Variants in TRAK1 observed in about 807,000 individuals in gnomAD.
The protein encoded by TRAK1 is trafficking kinesin protein 1, also known as trafficking kinesin-binding protein 1.
A neutral mutation model predicts 92.1 loss-of-function variants in TRAK1; 33 were observed. The observed-to-expected ratio is 0.36, with a 90% CI of 0.27 to 0.48. The LOEUF is 0.48. Among genes scored for constraint, TRAK1 ranks in the 20% least tolerant of loss-of-function variants. The pLI is 0.99. For missense variants in TRAK1, 1,123 were observed against 1,257.9 expected (o/e 0.89, Z 1.62); for synonymous variants, 521 against 517.3 (o/e 1.01, Z -0.10).
intron 11 of TRAK1, among the ~76,000 whole-genome samples, chr3:42,199,811 C>T (rs955520181): frequency 6.6e-6 from 1 of 152,206 alleles, no homozygotes; most frequent in Non-Finnish European, 1.5e-5. Flanking sequence ...TGTGAACTTC[C>T]AGAAAGTCCT....
At chr3:42,042,144 C>T (rs1010673070) in intron 1 of TRAK1, among the ~76,000 whole-genome samples, 5 of 152,200 alleles carry the variant, frequency 3.3e-5, no homozygotes, top group African/African-American at 1.2e-4. Context: ...CCAGGCTGGT[C>T]TCAAACTCCT....
chr3:42,037,416 A>G (rs1434460796), intron 1 of TRAK1, among the ~76,000 whole-genome samples: 3 of 152,328 alleles, frequency 2.0e-5, no homozygotes, highest in East Asian at 1.9e-4. Flanking sequence ...TGTTTCCTGC[A>G]GATGTTCAGG....
intron 2 of TRAK1, among the ~76,000 whole-genome samples, chr3:42,142,386 G>A (rs1444582705): frequency 6.6e-6 from 1 of 152,214 alleles, no homozygotes; most frequent in East Asian, 1.9e-4. Context: ...GTTATCATTA[G>A]CAGCTTTTAT....
chr3:42,156,508 G>A (rs1042841042), intron 2 of TRAK1, among the ~76,000 whole-genome samples: 2 of 152,160 alleles, frequency 1.3e-5, no homozygotes, highest in Admixed American at 6.5e-5. Flanking sequence ...ATAAATAATA[G>A]TAGTCAAGGA....
At chr3:42,216,742 A>G (rs147383822) in intron 14 of TRAK1, among the ~76,000 whole-genome samples, 1 of 152,320 alleles carries the variant, frequency 6.6e-6, no homozygotes, top group African/African-American at 2.4e-5. Context: ...TTTATTGGTA[A>G]ATCCAAATTC....
intron 10 of TRAK1, 66 bp from the exon 11 acceptor site, chr3:42,199,111 C>T (rs999273573): frequency 5.9e-5 from 94 of 1,582,332 alleles, no homozygotes; most frequent in Non-Finnish European, 8.1e-5. Context: ...TGGGTGCATA[C>T]CTCTTTTAGA....
intron 1 of TRAK1, among the ~76,000 whole-genome samples, chr3:42,101,295 G>T (rs1162938522): frequency 6.6e-6 from 1 of 152,244 alleles, no homozygotes; most frequent in South Asian, 2.1e-4. Context: ...TCACAGAGTT[G>T]TGAAATATTT....
intron 2 of TRAK1, among the ~76,000 whole-genome samples, chr3:42,163,441 C>T (rs1256332206): frequency 6.6e-6 from 1 of 151,966 alleles, no homozygotes; most frequent in East Asian, 1.9e-4. Context: ...TGGTGGCGGG[C>T]GCCTGTAGTC....
chr3:42,102,111 G>A (rs186106440), intron 1 of TRAK1, among the ~76,000 whole-genome samples: 283 of 152,180 alleles, frequency 1.9e-3, no homozygotes, highest in Non-Finnish European at 3.0e-3. Flanking sequence ...TCACCCTCCC[G>A]AGTAGCTGGG....
Position 42,223,144 on chromosome 3 carries a change from C to T in TRAK1, c.2269C>T (p.Gln757Ter). ...CATTTCTGCTGCCGTGTACGACCCC[C>T]AGAGCTGGGACAGGGCCGGCCGGGG... Reference protein sequence around the residue: ...RGISAAVYDPQSWDRAGRGSL... With the variant: ...RGISAAVYDP The change falls in exon 16 of 16, where the codon CAG becomes TAG. Residue 757 changes from glutamine (Q) to a stop codon, truncating the protein, a stop_gained. Transcript: ENST00000327628. LOFTEE classifies it high-confidence loss of function. This position sits in a 1 kb window ranked among gnomAD's most constrained non-coding sequence, Gnocchi z 6.1. The T allele has an allele frequency of 6.2e-7, 1 of 1,614,124 alleles. No homozygotes were observed. Among genetic ancestry groups the T allele is most frequent in the Non-Finnish European group, 8.5e-7 (1 of 1,180,036 alleles).
chr3:42,114,969 T>C (rs1708981501), intron 1 of TRAK1, among the ~76,000 whole-genome samples: 1 of 152,208 alleles, frequency 6.6e-6, no homozygotes, highest in African/African-American at 2.4e-5. Flanking sequence ...CGCCTCCGCT[T>C]ACCAAAGTGC....
chr3:42,183,157 G>A (rs151270639), intron 3 of TRAK1, among the ~76,000 whole-genome samples: 462 of 152,298 alleles, frequency 3.0e-3, no homozygotes, highest in Non-Finnish European at 5.5e-3. Flanking sequence ...GCACTTTGGT[G>A]TTTTCAATTC....
At position 42,225,108 on chromosome 3, in the gene TRAK1, A is replaced by G. The variant is rs1214980600; in HGVS notation, c.*1371A>G. 2.6e-5 allele frequency: 4 copies of G among 152,340 alleles called. No homozygotes were observed. In the East Asian group the frequency reaches 7.7e-4, roughly 29 times the overall value. The allele number at this position is 152,340 out of a possible 1,614,324, so 9.4% of individuals were successfully genotyped here. ...TTTATGTCTGCCGTATTTTAAATAA[A>G]CATTCTCGTTCCTTCCAGTTTCAGT... On this transcript the variant is annotated 3_prime_UTR_variant, in exon 16 of 16. Coordinates refer to ENST00000327628, the MANE Select transcript of TRAK1 (RefSeq NM_001042646.3).
At chr3:42,026,529 T>C (rs886452265) in intron 1 of TRAK1, among the ~76,000 whole-genome samples, 1 of 150,626 alleles carries the variant, frequency 6.6e-6, no homozygotes, top group Non-Finnish European at 1.5e-5. Context: ...GATCTCTTTT[T>C]TTTTTTTTTT....
At chr3:42,042,315 G>A (rs1702577763) in intron 1 of TRAK1, among the ~76,000 whole-genome samples, 1 of 142,808 alleles carries the variant, frequency 7.0e-6, no homozygotes, top group African/African-American at 3.0e-5. Context: ...GGTCATATAT[G>A]TTGTGTCCTT....
At chr3:42,090,841 G>T (rs962794605), upstream of TRAK1, among the ~76,000 whole-genome samples, 2 of 152,192 alleles carry the variant, frequency 1.3e-5, no homozygotes. Context: ...TTTAGCACTG[G>T]CTTGGTAAAC....
intron 1 of TRAK1, among the ~76,000 whole-genome samples, chr3:42,072,677 T>A (rs531906962): frequency 6.6e-6 from 1 of 152,132 alleles, no homozygotes; most frequent in Admixed American, 6.6e-5. Flanking sequence ...GAAACGGGGA[T>A]TTGGTCACAT....
chr3:42,090,242 C>T (rs2173336), upstream of TRAK1, among the ~76,000 whole-genome samples: 106,445 of 152,170 alleles, frequency 0.7, 37,526 homozygotes, highest in South Asian at 0.81. Context: ...ATGACCCAAC[C>T]GCATCTACAT....
intron 1 of TRAK1, among the ~76,000 whole-genome samples, chr3:42,104,417 C>T (rs1448681653): frequency 6.6e-6 from 1 of 152,178 alleles, no homozygotes; most frequent in East Asian, 1.9e-4. Context: ...CCCTGACCAC[C>T]GAGTAGCCTA....
Sources: gnomAD v4.1 joint callset for allele counts (sites outside exome capture counted in the v4.1 genomes callset) on GRCh38, gnomAD v4.1.1 for gene constraint, Gnocchi (gnomAD v3.1) non-coding constraint, MANE v1.5 for transcripts, NCBI Gene and HGNC (gene_info 2026-07-23, HGNC 2026-07-21) for gene names.